The following ADGRG1 variants were observed in gnomAD, a reference collection of about 807,000 sequenced individuals.
The protein encoded by ADGRG1 is adhesion G protein-coupled receptor G1, also known as 7-transmembrane protein with no EGF-like N-terminal domains-1.
Under a neutral mutation model 73.5 loss-of-function variants are expected in ADGRG1, and 53 were observed. The observed-to-expected ratio is 0.72, with a 90% CI of 0.58 to 0.91. The LOEUF is 0.91. ADGRG1 is among the 40% of genes least tolerant of loss of function. ADGRG1 has a pLI of 0.00. For missense variants in ADGRG1, 795 were observed against 871.8 expected, an observed-to-expected ratio of 0.91 and a Z score of 1.11; for synonymous variants, 394 against 374.4, an observed-to-expected ratio of 1.05 and a Z score of -0.60.
At chr16:57,634,552 G>GAT in intron 1 of ADGRG1, 1 of 858,202 alleles carries the variant, frequency 1.2e-6, no homozygotes, top group Non-Finnish European at 1.4e-6. Context: ...CACAGATGAG[G>GAT]AATCAGGCCC....
At chr16:57,629,083 T>C (rs1172430319) in intron 1 of ADGRG1, 2 of 675,368 alleles carry the variant, frequency 3.0e-6, no homozygotes, top group African/African-American at 3.9e-5. Context: ...AGTGTGGGAG[T>C]GTATGTGAGT....
rs1316153151 is a variant in ADGRG1, at chr16:57,630,047, A to G, written c.-36+1245A>G. 3.1e-6 allele frequency: 3 copies of G among 979,092 alleles called. No homozygotes were observed. The East Asian group carries it at 3.4e-4, about 111-fold the overall frequency. 60.7% of individuals were successfully genotyped at this position (979,092 alleles called of 1,614,324 possible). A position where few individuals can be genotyped will look rare whatever the true frequency, so the allele number is the denominator to read the frequency against. On this transcript the variant is annotated intron_variant, in intron 1 of 13. Coordinates refer to ENST00000562631, the MANE Select transcript of ADGRG1 (RefSeq NM_201525.4). ...TTGTTGCTCCTTCAGTGGACCAAGA[A>G]AGTTATTTATAGAAGCATTTATTGA...
intron 1 of ADGRG1, among the ~76,000 whole-genome samples, chr16:57,638,117 G>C (rs1485218046): frequency 6.6e-6 from 1 of 152,352 alleles, no homozygotes; most frequent in Non-Finnish European, 1.5e-5. Context: ...TCTTGGAAGA[G>C]AGCGAGCTCC....
upstream of ADGRG1, chr16:57,624,828 A>T (rs1357688837): frequency 2.5e-6 from 1 of 398,796 alleles, no homozygotes; most frequent in Non-Finnish European, 3.4e-6. Context: ...GCCCCTCTGA[A>T]TAACAGTGCC....
intron 13 of ADGRG1, chr16:57,663,092 C>A: frequency 2.0e-6 from 2 of 984,004 alleles, no homozygotes; most frequent in Non-Finnish European, 2.4e-6. Flanking sequence ...TTGAGGGGTG[C>A]AAAATCTCAC....
At chr16:57,653,570 TAAAG>T (rs1401511583) in intron 4 of ADGRG1, 3 of 985,132 alleles carry the variant, frequency 3.0e-6, no homozygotes, top group Non-Finnish European at 3.6e-6. Flanking sequence ...CTCCCCCTCA[TAAAG>T]AAAGGATGGG....
chr16:57,639,072 A>G (rs1298059037), intron 1 of ADGRG1, among the ~76,000 whole-genome samples: 8 of 142,090 alleles, frequency 5.6e-5, no homozygotes, highest in South Asian at 2.2e-4. Context: ...TCTGTTTGAG[A>G]AAAAAAAAAA....
chr16:57,628,589 G>C, upstream of ADGRG1: 1 of 985,522 alleles, frequency 1.0e-6, no homozygotes, highest in East Asian at 1.1e-4. Context: ...GGGCAGGAGA[G>C]GGGTGTCTCC....
At chr16:57,628,138 C>CG (rs28364727), upstream of ADGRG1, 805,435 of 985,264 alleles carry the variant, frequency 0.82, 329,355 homozygotes, top group Admixed American at 0.84. Flanking sequence ...GCCTGTCACC[C>CG]GCTCCCTCCC....
intron 2 of ADGRG1, 196 bp from the exon 3 acceptor site, chr16:57,651,004 G>A (rs1442657986): frequency 2.3e-5 from 23 of 981,704 alleles, no homozygotes; most frequent in African/African-American, 8.7e-5. Context: ...CACCGCGCCC[G>A]GCCTCAGTTT....
chr16:57,647,457 A>G, intron 1 of ADGRG1: 1 of 984,310 alleles, frequency 1.0e-6, no homozygotes, highest in South Asian at 4.7e-5. Context: ...AGAGATACTT[A>G]GCTGAGACTG....
At chr16:57,635,898 C>CA in intron 1 of ADGRG1, 1 of 985,366 alleles carries the variant, frequency 1.0e-6, no homozygotes, top group Non-Finnish European at 1.2e-6. Context: ...TAGAGTGGCC[C>CA]TGGAAGCATG....
At chr16:57,628,232 CG>C, upstream of ADGRG1, 1 of 944,560 alleles carries the variant, frequency 1.1e-6, no homozygotes, top group Non-Finnish European at 1.3e-6. Flanking sequence ...GGGCAGTTGT[CG>C]CCCTGACCTG....
At chr16:57,638,894 A>AC (rs1189013508) in intron 1 of ADGRG1, among the ~76,000 whole-genome samples, 1 of 151,902 alleles carries the variant, frequency 6.6e-6, no homozygotes, top group Admixed American at 6.6e-5. Flanking sequence ...GCATAGTGAA[A>AC]CCCCGTCTCT....
intron 1 of ADGRG1, chr16:57,631,144 G>A (rs765587569): frequency 1.0e-4 from 101 of 986,152 alleles, no homozygotes; most frequent in Non-Finnish European, 1.2e-4. Context: ...GCAGCTTCAC[G>A]TGTGAGGGAG....
chr16:57,642,451 G>C (rs1235814773), intron 1 of ADGRG1: 41 of 985,266 alleles, frequency 4.2e-5, no homozygotes, highest in Non-Finnish European at 4.9e-5. Flanking sequence ...GTGCTGGCAG[G>C]CTTCTGTGTG....
At position 57,659,688 on chromosome 16, in the gene ADGRG1, G is replaced by C. The variant is rs368276813; in HGVS notation, c.1555+7G>C. The C allele has an allele frequency of 1.3e-5, 21 of 1,613,372 alleles. No homozygotes were observed. In the African/African-American group the frequency reaches 2.4e-4, roughly 18 times the overall value. On this transcript the variant is annotated splice_region_variant and intron_variant, in intron 11 of 13. Coordinates refer to ENST00000562631, the MANE Select transcript of ADGRG1 (RefSeq NM_201525.4). ...CTGAGCGCCATGGGCTGGGGTAAGT[G>C]GTTGGGCGGGGGGTGCCTCAGACCT... is the stretch of plus-strand genomic sequence containing the variant.
chr16:57,631,453 C>T (rs2037883954), intron 1 of ADGRG1: 1 of 985,270 alleles, frequency 1.0e-6, no homozygotes, highest in East Asian at 1.1e-4. Flanking sequence ...ATGGAGGAGG[C>T]CGTGGGGAAG....
chr16:57,631,774 T>C (rs1450928748), intron 1 of ADGRG1: 2 of 985,442 alleles, frequency 2.0e-6, no homozygotes, highest in Non-Finnish European at 2.4e-6. Context: ...GCCTCCTTTC[T>C]CCTGAGCCGT....
Sources: allele counts gnomAD v4.1 joint callset (sites outside exome capture counted in the v4.1 genomes callset), GRCh38; gene constraint gnomAD v4.1.1; transcripts MANE v1.5; gene names NCBI Gene and HGNC (gene_info 2026-07-23, HGNC 2026-07-21).